The following ADCY5 variants were observed in gnomAD, a reference collection of about 807,000 sequenced individuals.
ADCY5 encodes adenylate cyclase 5.
In ADCY5, 30 loss-of-function variants were observed where a neutral mutation model predicts 119.7. The ratio of observed to expected loss-of-function variants is 0.25; its 90% CI spans 0.19 to 0.34. The LOEUF is 0.34. Among genes scored for constraint, ADCY5 ranks in the 10% least tolerant of loss-of-function variants. The probability of loss-of-function intolerance (pLI) is 1.00; values close to 1 mark genes in which losing one functional copy is unlikely to be tolerated. For missense variants in ADCY5, 1,324 were observed against 1,775.2 expected, an observed-to-expected ratio of 0.75 and a Z score of 4.57; for synonymous variants, 753 against 762.2, an observed-to-expected ratio of 0.99 and a Z score of 0.20.
chr3:123,314,020 G>A (rs1355796909), intron 12 of ADCY5, among the ~76,000 whole-genome samples: 1 of 152,204 alleles, frequency 6.6e-6, no homozygotes, highest in Non-Finnish European at 1.5e-5. Flanking sequence ...AGTTAAAACA[G>A]CCAGTGAAGA....
chr3:123,363,143 GAAA>G (rs58854772), intron 1 of ADCY5, among the ~76,000 whole-genome samples: 3 of 50,070 alleles, frequency 6.0e-5, no homozygotes, highest in Non-Finnish European at 9.4e-5. Context: ...ATTCCTTCTT[GAAA>G]AAAAAAAAAA....
intron 3 of ADCY5, among the ~76,000 whole-genome samples, chr3:123,339,433 A>C (rs1369884204): frequency 6.6e-6 from 1 of 152,198 alleles, no homozygotes; most frequent in African/African-American, 2.4e-5. Context: ...AGAGAGGGGC[A>C]TGTGAACTGG....
chr3:123,424,318 G>C (rs1342273632), intron 1 of ADCY5, among the ~76,000 whole-genome samples: 1 of 152,226 alleles, frequency 6.6e-6, no homozygotes, highest in Non-Finnish European at 1.5e-5. Flanking sequence ...AGAGTCCTGG[G>C]CTGGGAGCTC....
intron 1 of ADCY5, among the ~76,000 whole-genome samples, chr3:123,442,334 T>A (rs987000158): frequency 4.6e-5 from 7 of 152,134 alleles, no homozygotes; most frequent in African/African-American, 1.7e-4. Context: ...CCTCCTCAGG[T>A]CCCAGTTTGG....
intron 1 of ADCY5, among the ~76,000 whole-genome samples, chr3:123,358,155 CGTGT>C (rs6148049): frequency 1.8e-4 from 26 of 140,966 alleles, no homozygotes; most frequent in African/African-American, 4.3e-4. Context: ...ACATGGAACA[CGTGT>C]GTGTGTGTGT....
chr3:123,348,279 T>G (rs994307446), intron 2 of ADCY5, among the ~76,000 whole-genome samples: 3 of 152,042 alleles, frequency 2.0e-5, no homozygotes. Context: ...GAGCCTCAGG[T>G]TGCTCGTCTG....
At chr3:123,413,701 G>A (rs956384744) in intron 1 of ADCY5, among the ~76,000 whole-genome samples, 10 of 152,220 alleles carry the variant, frequency 6.6e-5, no homozygotes, top group African/African-American at 2.2e-4. Flanking sequence ...TCAGGCTACA[G>A]CTTGAGGCCC....
At chr3:123,430,314 A>G (rs749047134) in intron 1 of ADCY5, among the ~76,000 whole-genome samples, 1 of 152,162 alleles carries the variant, frequency 6.6e-6, no homozygotes, top group Non-Finnish European at 1.5e-5. Context: ...GACAGGCCTC[A>G]CCTAGACACC....
rs377309404 is a variant in ADCY5 at position 123,286,697 on chromosome 3, G to C, written c.3645C>G (p.Pro1215=). The C allele has an allele frequency of 6.2e-7, 1 of 1,611,606 alleles. No homozygotes were observed. Among genetic ancestry groups the C allele is most frequent in the Non-Finnish European group, 8.5e-7 (1 of 1,178,966 alleles). Residue 1215 remains proline (P), a synonymous_variant, in exon 20 of 21, where the codon CCC becomes CCG. Transcript: ENST00000462833. The surrounding 1 kb of genome is among the most constrained non-coding windows in gnomAD (Gnocchi z 4.2). ...VASRMDSTGV[P]DRIQVTTDMY... ...CTCCTGCACTCACCTGGATGCGGTC[G>C]GGTACACCGGTGCTGTCCATGCGGC...
intron 3 of ADCY5, among the ~76,000 whole-genome samples, chr3:123,341,343 G>T (rs1218464392): frequency 6.6e-6 from 1 of 152,098 alleles, no homozygotes; most frequent in Admixed American, 6.5e-5. Flanking sequence ...GAAGAACCTT[G>T]AAGACATCAT....
intron 1 of ADCY5, among the ~76,000 whole-genome samples, chr3:123,371,515 CCTGGGTGCTTTACCA>C: frequency 6.6e-6 from 1 of 152,238 alleles, no homozygotes; most frequent in East Asian, 1.9e-4. Context: ...CAGGCACAGG[CCTGGGTGCTTTACCA>C]GAGTACTGTC....
At chr3:123,311,507 G>A (rs1311150185) in intron 12 of ADCY5, among the ~76,000 whole-genome samples, 1 of 152,184 alleles carries the variant, frequency 6.6e-6, no homozygotes, top group African/African-American at 2.4e-5. Flanking sequence ...ATAAAAGAGG[G>A]AAGAAGAAGA....
chr3:123,436,544 A>G (rs1405912708), intron 1 of ADCY5, among the ~76,000 whole-genome samples: 1 of 151,886 alleles, frequency 6.6e-6, no homozygotes, highest in Non-Finnish European at 1.5e-5. Context: ...CTTCTCTACT[A>G]AAAATACAAA....
rs149219880 is a variant in ADCY5, at chr3:123,319,870, C to G, written c.2112-52G>C. 2.0e-4 allele frequency: 317 copies of G among 1,597,202 alleles called. 2 individuals carry two copies. In the African/African-American group the frequency reaches 3.8e-3, roughly 19 times the overall value. ...GACAGGCTGACCACAGGGGCACCAG[C>G]AGAGGGCTGGCTCTTCCGACCATCC... On this transcript the variant is annotated intron_variant, in intron 9 of 20. Transcript: ENST00000462833.
chr3:123,345,769 G>GACAGACAGACAGACAGACACACAC (rs57198270), intron 3 of ADCY5, among the ~76,000 whole-genome samples: 1 of 113,760 alleles, frequency 8.8e-6, no homozygotes, highest in African/African-American at 4.0e-5. Context: ...CAGACAGACA[G>GACAGACAGACAGACAGACACACAC]ACACACACAC....
intron 17 of ADCY5, among the ~76,000 whole-genome samples, chr3:123,292,910 C>G (rs1939245282): frequency 6.6e-6 from 1 of 152,164 alleles, no homozygotes; most frequent in Non-Finnish European, 1.5e-5. Context: ...AGGTGGCAGA[C>G]AGCATCAGCC....
At chr3:123,390,660 G>A (rs530337537) in intron 1 of ADCY5, among the ~76,000 whole-genome samples, 1 of 152,328 alleles carries the variant, frequency 6.6e-6, no homozygotes, top group South Asian at 2.1e-4. Context: ...GCCTCCCCTG[G>A]GGCGTGGCAG....
intron 18 of ADCY5, 61 bp downstream of exon 18, chr3:123,291,052 C>A: frequency 6.4e-7 from 1 of 1,553,458 alleles, no homozygotes; most frequent in South Asian, 1.2e-5. Context: ...ACATCCCTCC[C>A]ATACCAGGGA....
rs143613357 is a variant in ADCY5, at chr3:123,428,104, C to T, written c.1134+19308G>A. On this transcript the variant is annotated intron_variant, in intron 1 of 20. Coordinates refer to ENST00000462833, the MANE Select transcript of ADCY5 (RefSeq NM_183357.3). ...TAGAAAGAAATATGTGAGAACCATG[C>T]GCCACCTGGCCTTGTGACTCTCTGC... is the stretch of plus-strand genomic sequence containing the variant. Among the ~76,000 whole-genome samples, 748 of 152,304 alleles carry T rather than the reference C, an allele frequency of 4.9e-3. 5 individuals carry two copies. The highest frequency in any genetic ancestry group is 0.017 in the African/African-American group (709 of 41,562).
Sources: allele counts gnomAD v4.1 joint callset (sites outside exome capture counted in the v4.1 genomes callset), GRCh38; gene constraint gnomAD v4.1.1; non-coding constraint Gnocchi (gnomAD v3.1); transcripts MANE v1.5; gene names NCBI Gene and HGNC (gene_info 2026-07-23, HGNC 2026-07-21).